The following NEURL1 variants were observed in gnomAD, a reference collection of about 807,000 sequenced individuals.
NEURL1 encodes the protein E3 ubiquitin-protein ligase NEURL1.
Under a neutral mutation model 41.2 loss-of-function variants are expected in NEURL1, and 26 were observed. The ratio of observed to expected loss-of-function variants is 0.63; its 90% CI spans 0.46 to 0.87. NEURL1 has a LOEUF of 0.87. NEURL1 is among the 40% of genes least tolerant of loss of function. The probability of loss-of-function intolerance (pLI) is 0.00; values close to 1 mark genes in which losing one functional copy is unlikely to be tolerated. For missense variants in NEURL1, 761 were observed against 871.1 expected (o/e 0.87, Z 1.59); for synonymous variants, 400 against 402.3 (o/e 0.99, Z 0.07).
intron 1 of NEURL1, among the ~76,000 whole-genome samples, chr10:103,531,151 C>T (rs1312195169): frequency 6.6e-5 from 10 of 151,712 alleles, no homozygotes; most frequent in South Asian, 4.2e-4. Context: ...ACCCAGGAGG[C>T]GGAGGTTGCA....
chr10:103,557,304 C>T (rs769037204), intron 1 of NEURL1, among the ~76,000 whole-genome samples: 2 of 152,078 alleles, frequency 1.3e-5, no homozygotes, highest in Non-Finnish European at 2.9e-5. Context: ...TTACATGAAT[C>T]ATGTGAGCAG....
At chr10:103,500,462 G>A (rs752610398) in intron 1 of NEURL1, among the ~76,000 whole-genome samples, 5 of 152,294 alleles carry the variant, frequency 3.3e-5, no homozygotes, top group South Asian at 2.1e-4. Context: ...TATTGTGATC[G>A]CTGTATTATC....
intron 1 of NEURL1, among the ~76,000 whole-genome samples, chr10:103,501,953 G>T (rs2033835887): frequency 6.6e-6 from 1 of 152,056 alleles, no homozygotes; most frequent in African/African-American, 2.4e-5. Flanking sequence ...TTATTGTAGA[G>T]ACAGAGTCTC....
chr10:103,587,767 G>A (rs1393354901), intron 4 of NEURL1, among the ~76,000 whole-genome samples: 2 of 152,130 alleles, frequency 1.3e-5, no homozygotes, highest in African/African-American at 2.4e-5. Context: ...AATGCAACAA[G>A]GCAAGAAAAG....
intron 1 of NEURL1, among the ~76,000 whole-genome samples, chr10:103,514,496 A>G (rs899871837): frequency 1.6e-4 from 25 of 151,996 alleles, no homozygotes; most frequent in African/African-American, 6.0e-4. Flanking sequence ...AGCCTGGGCC[A>G]TCTGCCCCTG....
Position 103,508,193 on chromosome 10 carries a change from A to G in NEURL1, c.85+13721A>G, listed in dbSNP as rs1423124643. Among the ~76,000 whole-genome samples the G allele has an allele frequency of 6.6e-6, 1 of 152,200 alleles. No individual in the cohort carries two copies. The highest frequency in any genetic ancestry group is 1.5e-5 in the Non-Finnish European group (1 of 68,034). ...GGGCTTGGGGACTTCTCACAGGGTC[A>G]GGTCCCTCGAATTTGAAAAGCATGT... is the stretch of plus-strand genomic sequence containing the variant. On this transcript the variant is annotated intron_variant, in intron 1 of 5. Transcript: ENST00000369780. This position sits in a 1 kb window ranked among gnomAD's most constrained non-coding sequence, Gnocchi z 4.3.
Position 103,495,449 on chromosome 10 carries a change from C to A in NEURL1, c.85+977C>A, listed in dbSNP as rs145434916. On this transcript the variant is annotated intron_variant, in intron 1 of 5. Transcript: ENST00000369780. ...TTTAACACAAGGCATCGAACTTTCT[C>A]AAACACATTTTCAGTGAGCATGGAC... Among the ~76,000 whole-genome samples, 125 of 152,330 alleles carry A rather than the reference C, an allele frequency of 8.2e-4. 1 individual carries two copies. Among genetic ancestry groups the A allele is most frequent in the Non-Finnish European group, 4.9e-4 (33 of 68,028 alleles).
Position 103,571,721 on chromosome 10 carries a change from A to C in NEURL1, c.548A>C (p.Asn183Thr). The C allele has an allele frequency of 6.2e-7, 1 of 1,614,198 alleles. No homozygotes were observed. Among genetic ancestry groups the C allele is most frequent in the Non-Finnish European group, 8.5e-7 (1 of 1,180,008 alleles). The change falls in exon 3 of 6, where the codon AAC becomes ACC. Residue 183 changes from asparagine to threonine, a missense_variant. Around this residue, in one of 5 missense-constraint regions of NEURL1, gnomAD observed 114 missense variants for 144.8 expected, o/e 0.79. Coordinates refer to ENST00000369780, the MANE Select transcript of NEURL1 (RefSeq NM_004210.5). ...AAGGGCCGTGTCTTCCACCGCATCA[A>C]CGACTCGGCTGTTATGCTGTTCTTC... ...DKKGRVFHRINDSAVMLFFSG... is the reference protein window; with the variant it reads ...DKKGRVFHRITDSAVMLFFSG...
intron 1 of NEURL1, among the ~76,000 whole-genome samples, chr10:103,502,574 A>G (rs1238686800): frequency 6.6e-6 from 1 of 152,214 alleles, no homozygotes; most frequent in Non-Finnish European, 1.5e-5. Context: ...TAAAGACCCT[A>G]TCTCCAAATA....
intron 1 of NEURL1, among the ~76,000 whole-genome samples, chr10:103,544,731 G>A (rs1286217487): frequency 6.6e-6 from 1 of 152,194 alleles, no homozygotes; most frequent in East Asian, 1.9e-4. Context: ...TTGAGGTTGT[G>A]AGGGGTGCAG....
In NEURL1 at chr10:103,494,164, T is replaced by C; in HGVS notation, c.-224T>C. On this transcript the variant is annotated 5_prime_UTR_variant, in exon 1 of 6. An upstream open reading frame in the 5' UTR loses its in-frame stop. Coordinates refer to ENST00000369780, the MANE Select transcript of NEURL1 (RefSeq NM_004210.5). ...CCCGCCACGGGGCATGGGAGGCAGG[T>C]AGCCCAGCCTGCGCCAGGACACCCG... 2.1e-6 allele frequency: 1 copy of C among 470,956 alleles called. No individual in the cohort carries two copies. Among genetic ancestry groups the C allele is most frequent in the Non-Finnish European group, 3.7e-6 (1 of 267,416 alleles). The allele number at this position is 470,956 out of a possible 1,614,324, so 29.2% of individuals were successfully genotyped here. A position where few individuals can be genotyped will look rare whatever the true frequency, so the allele number is the denominator to read the frequency against.
In NEURL1 at chr10:103,590,730, A is replaced by G; in HGVS notation, c.*358A>G. ...AGGAGGTGTCTGTAGTCCATGTGGC[A>G]CCTTTGTGAGAATTAGAAAACATGT... On this transcript the variant is annotated 3_prime_UTR_variant, in exon 6 of 6. Transcript: ENST00000369780. 1 of 297,958 alleles carries G rather than the reference A, an allele frequency of 3.4e-6. No homozygotes were observed. Among genetic ancestry groups the G allele is most frequent in the Non-Finnish European group, 6.4e-6 (1 of 157,012 alleles). 18.5% of individuals were successfully genotyped at this position (297,958 alleles called of 1,614,324 possible).
chr10:103,519,288 A>G (rs1012592094), intron 1 of NEURL1, among the ~76,000 whole-genome samples: 3 of 152,136 alleles, frequency 2.0e-5, no homozygotes, highest in Non-Finnish European at 2.9e-5. Flanking sequence ...ACACTTTTTT[A>G]AAAAATGAAC....
At chr10:103,559,568 G>C (rs1026774859) in intron 1 of NEURL1, among the ~76,000 whole-genome samples, 1 of 152,180 alleles carries the variant, frequency 6.6e-6, no homozygotes, top group African/African-American at 2.4e-5. Flanking sequence ...CGGAGCAGGT[G>C]TTCTCGGTGA....
intron 1 of NEURL1, among the ~76,000 whole-genome samples, chr10:103,560,505 G>A (rs948272558): frequency 2.6e-5 from 4 of 152,124 alleles, no homozygotes; most frequent in Admixed American, 6.5e-5. Context: ...GACTATGAAG[G>A]TGCCAGTCTT....
intron 1 of NEURL1, among the ~76,000 whole-genome samples, chr10:103,497,064 A>C (rs1005063922): frequency 2.6e-5 from 4 of 152,194 alleles, no homozygotes; most frequent in African/African-American, 9.7e-5. Context: ...GAAGGCCGCC[A>C]GTTGTTGGCT....
chr10:103,526,502 T>G (rs760866505), intron 1 of NEURL1, among the ~76,000 whole-genome samples: 16 of 148,752 alleles, frequency 1.1e-4, no homozygotes, highest in South Asian at 4.2e-4. Context: ...TTCTGCTAGG[T>G]TTTCTTTTCT....
rs926565958 is a variant in NEURL1 at position 103,508,944 on chromosome 10, C to A, written c.85+14472C>A. 2.0e-5 allele frequency among the ~76,000 whole-genome samples: 3 copies of A among 152,156 alleles called. No homozygotes were observed. The highest frequency in any genetic ancestry group is 2.1e-4 in the South Asian group (1 of 4,816). On this transcript the variant is annotated intron_variant, in intron 1 of 5. Coordinates refer to ENST00000369780, the MANE Select transcript of NEURL1 (RefSeq NM_004210.5). This position sits in a 1 kb window ranked among gnomAD's most constrained non-coding sequence, Gnocchi z 4.3. ...AGGTGCGGTGGCTCATGTCTGTAAT[C>A]CCAGCACTTTGGGTGGCTTTGGCTT...
At chr10:103,564,780 G>A (rs1022348541) in intron 1 of NEURL1, among the ~76,000 whole-genome samples, 1 of 152,178 alleles carries the variant, frequency 6.6e-6, no homozygotes, top group Non-Finnish European at 1.5e-5. Context: ...ACCTCCAGCT[G>A]TCCCCTCTGG....
Sources: allele counts gnomAD v4.1 joint callset (sites outside exome capture counted in the v4.1 genomes callset), GRCh38; gene constraint gnomAD v4.1.1; regional missense constraint gnomAD v4.1.1; non-coding constraint Gnocchi (gnomAD v3.1); transcripts MANE v1.5; gene names NCBI Gene and HGNC (gene_info 2026-07-23, HGNC 2026-07-21).